Variants in HS3ST2 observed in about 807,000 individuals in gnomAD.
HS3ST2 encodes the protein heparan sulfate glucosamine 3-O-sulfotransferase 2.
A neutral mutation model predicts 26.3 loss-of-function variants in HS3ST2; 17 were observed. The ratio of observed to expected loss-of-function variants is 0.65; its 90% CI spans 0.44 to 0.97. HS3ST2 has a LOEUF of 0.97. Ranked by LOEUF, HS3ST2 falls within the 50% of genes least tolerant of loss-of-function variation. The pLI is 0.00. For synonymous variants in HS3ST2, 237 were observed against 219.2 expected (o/e 1.08, Z -0.72); for missense variants, 402 against 501.2 (o/e 0.80, Z 1.89).
In HS3ST2 at chr16:22,906,454, C is replaced by A. The variant is rs377603018; in HGVS notation, c.486-8490C>A. Among the ~76,000 whole-genome samples the A allele has an allele frequency of 1.1e-3, 173 of 152,250 alleles. 3 individuals carry two copies. The highest frequency in any genetic ancestry group is 4.0e-3 in the African/African-American group (164 of 41,518). The stretch of plus-strand genomic sequence containing the variant: ...TTGATTTAATTAGTCTGATGTAGGA[C>A]CCAGACTTTTGCATTGCTCCAAAAC... On this transcript the variant is annotated intron_variant, in intron 1 of 1. Coordinates refer to ENST00000261374, the MANE Select transcript of HS3ST2 (RefSeq NM_006043.2).
intron 1 of HS3ST2, among the ~76,000 whole-genome samples, chr16:22,900,484 C>G (rs567109032): frequency 6.6e-6 from 1 of 152,182 alleles, no homozygotes. Flanking sequence ...TGTGGTGGGT[C>G]CTGAGCTGGC....
chr16:22,840,826 T>G (rs959740262), intron 1 of HS3ST2, among the ~76,000 whole-genome samples: 1 of 152,162 alleles, frequency 6.6e-6, no homozygotes, highest in Non-Finnish European at 1.5e-5. Context: ...TTTAAATTAT[T>G]ATTATACTTT....
intron 1 of HS3ST2, among the ~76,000 whole-genome samples, chr16:22,914,058 A>T (rs1380477210): frequency 6.6e-6 from 1 of 151,928 alleles, no homozygotes; most frequent in Non-Finnish European, 1.5e-5. Flanking sequence ...GGATCAATGG[A>T]GCCTGGAGTT....
intron 1 of HS3ST2, among the ~76,000 whole-genome samples, chr16:22,908,193 T>A (rs775572114): frequency 6.6e-6 from 1 of 151,996 alleles, no homozygotes; most frequent in Non-Finnish European, 1.5e-5. Flanking sequence ...CCAGAATGGT[T>A]TGGGGAGAGT....
chr16:22,914,322 G>A (rs1037775662), intron 1 of HS3ST2, among the ~76,000 whole-genome samples: 1 of 152,018 alleles, frequency 6.6e-6, no homozygotes, highest in Non-Finnish European at 1.5e-5. Context: ...CCATATTAAT[G>A]CATACAGATC....
intron 1 of HS3ST2, among the ~76,000 whole-genome samples, chr16:22,860,400 G>A (rs1901658525): frequency 6.6e-6 from 1 of 152,126 alleles, no homozygotes; most frequent in African/African-American, 2.4e-5. Flanking sequence ...TCCCTCCCAT[G>A]ACACATGGGA....
chr16:22,820,140 A>G (rs1159414578), intron 1 of HS3ST2, among the ~76,000 whole-genome samples: 1 of 152,172 alleles, frequency 6.6e-6, no homozygotes, highest in African/African-American at 2.4e-5. Flanking sequence ...GTCACACAGT[A>G]TGATTAAATG....
chr16:22,857,147 A>G (rs931877027), intron 1 of HS3ST2, among the ~76,000 whole-genome samples: 3 of 152,188 alleles, frequency 2.0e-5, no homozygotes, highest in African/African-American at 7.2e-5. Context: ...GTTAAAAAAA[A>G]TCAGTTAGGT....
intron 1 of HS3ST2, among the ~76,000 whole-genome samples, chr16:22,863,181 T>G (rs1196775568): frequency 6.6e-6 from 1 of 152,246 alleles, no homozygotes; most frequent in African/African-American, 2.4e-5. Flanking sequence ...AATGATATAC[T>G]TCCAGAATCT....
chr16:22,815,996 C>T (rs1900862523), intron 1 of HS3ST2, among the ~76,000 whole-genome samples: 1 of 152,214 alleles, frequency 6.6e-6, no homozygotes, highest in African/African-American at 2.4e-5. Context: ...GTCTATGCTT[C>T]CCATGCATGC....
chr16:22,816,415 A>G (rs7186863), intron 1 of HS3ST2, among the ~76,000 whole-genome samples: 7,497 of 152,298 alleles, frequency 0.049, 624 homozygotes, highest in African/African-American at 0.17. Flanking sequence ...TACCAAAAGT[A>G]GGGGGACCGC....
At chr16:22,890,788 C>T (rs1902116658) in intron 1 of HS3ST2, among the ~76,000 whole-genome samples, 1 of 152,174 alleles carries the variant, frequency 6.6e-6, no homozygotes, top group African/African-American at 2.4e-5. Flanking sequence ...TAGGTTTAAC[C>T]ACCAAACTCT....
chr16:22,883,951 A>G (rs1161568358), intron 1 of HS3ST2, among the ~76,000 whole-genome samples: 2 of 152,166 alleles, frequency 1.3e-5, no homozygotes, highest in Non-Finnish European at 2.9e-5. Context: ...ACAGAGAACA[A>G]TCATAAATGT....
chr16:22,827,706 CTTTCT>C (rs930650353), intron 1 of HS3ST2, among the ~76,000 whole-genome samples: 8 of 118,814 alleles, frequency 6.7e-5, no homozygotes, highest in East Asian at 2.5e-4. Context: ...TTCTTTCTTT[CTTTCT>C]TTTTTTTTTT....
chr16:22,816,013 G>A (rs1466628484), intron 1 of HS3ST2, among the ~76,000 whole-genome samples: 1 of 152,212 alleles, frequency 6.6e-6, no homozygotes, highest in Non-Finnish European at 1.5e-5. Context: ...ATGCCAGGGA[G>A]GAGAATTATC....
chr16:22,829,843 C>A (rs1020441229), intron 1 of HS3ST2, among the ~76,000 whole-genome samples: 1 of 152,140 alleles, frequency 6.6e-6, no homozygotes, highest in Non-Finnish European at 1.5e-5. Flanking sequence ...TGTCTTGGGT[C>A]CTGCTTCCCT....
chr16:22,840,771 G>A (rs1259317387), intron 1 of HS3ST2, among the ~76,000 whole-genome samples: 2 of 152,114 alleles, frequency 1.3e-5, no homozygotes, highest in Non-Finnish European at 2.9e-5. Context: ...CAGTGGTTCT[G>A]GAGTAGGTGG....
chr16:22,815,373 ACTCC>A (rs1196227608), intron 1 of HS3ST2, among the ~76,000 whole-genome samples: 1 of 152,054 alleles, frequency 6.6e-6, no homozygotes, highest in Non-Finnish European at 1.5e-5. Flanking sequence ...TAAAGGGCTA[ACTCC>A]CTCTGTGACC....
At position 22,897,891 on chromosome 16, in the gene HS3ST2, A is replaced by C. The variant is rs931352863; in HGVS notation, c.486-17053A>C. The stretch of plus-strand genomic sequence containing the variant: ...ATTTATATGAGATAATACATGTAAA[A>C]GCTCATATAGCTATGCCTACCACAA... On this transcript the variant is annotated intron_variant, in intron 1 of 1. Coordinates refer to ENST00000261374, the MANE Select transcript of HS3ST2 (RefSeq NM_006043.2). Among the ~76,000 whole-genome samples, 9 of 145,810 alleles carry C rather than the reference A, an allele frequency of 6.2e-5. 3 individuals carry two copies. In the South Asian group the frequency reaches 1.6e-3, roughly 25 times the overall value.
Sources: gnomAD v4.1 joint callset for allele counts (sites outside exome capture counted in the v4.1 genomes callset) on GRCh38, gnomAD v4.1.1 for gene constraint, MANE v1.5 for transcripts, NCBI Gene and HGNC (gene_info 2026-07-23, HGNC 2026-07-21) for gene names.